Variants in VSIG10 observed in about 807,000 individuals in gnomAD.
VSIG10 encodes the protein V-set and immunoglobulin domain-containing protein 10.
A neutral mutation model predicts 58.7 loss-of-function variants in VSIG10; 48 were observed. The ratio of observed to expected loss-of-function variants is 0.82; its 90% confidence interval spans 0.65 to 1.04. The LOEUF (loss-of-function observed/expected upper bound fraction) is 1.04, where lower values mean the gene tolerates loss of function less well. Ranked by LOEUF, VSIG10 falls within the 50% of genes least tolerant of loss-of-function variation. VSIG10 has a pLI of 0.00. For synonymous variants in VSIG10, 260 were observed against 267.1 expected (o/e 0.97, Z 0.26); for missense variants, 628 against 670.0 (o/e 0.94, Z 0.69).
At chr12:118,100,209 A>C (rs1265725102) in intron 1 of VSIG10, among the ~76,000 whole-genome samples, 1 of 152,112 alleles carries the variant, frequency 6.6e-6, no homozygotes, top group African/African-American at 2.4e-5. Flanking sequence ...ATCTCTACTA[A>C]AAATTAGCTG....
chr12:118,070,295 C>A (rs2032433459), intron 7 of VSIG10, among the ~76,000 whole-genome samples: 1 of 152,084 alleles, frequency 6.6e-6, no homozygotes, highest in African/African-American at 2.4e-5. Flanking sequence ...TGCCTGTAAT[C>A]CCGGCACTTT....
At chr12:118,073,007 G>A (rs73217984) in intron 5 of VSIG10, among the ~76,000 whole-genome samples, 14,315 of 151,988 alleles carry the variant, frequency 0.094, 864 homozygotes, top group Admixed American at 0.13. Flanking sequence ...GTGGATTCTC[G>A]CTCTGTCACC....
chr12:118,094,737 A>ATT (rs770952050), intron 2 of VSIG10, among the ~76,000 whole-genome samples: 3 of 132,892 alleles, frequency 2.3e-5, no homozygotes, highest in Non-Finnish European at 1.6e-5. Context: ...AGAAGCAATA[A>ATT]TTTTTTTTTT....
rs543118542 is a variant in VSIG10 at position 118,092,091 on chromosome 12, C to G, written c.361+3442G>C. Among the ~76,000 whole-genome samples the G allele has an allele frequency of 6.6e-5, 10 of 151,966 alleles. No individual in the cohort carries two copies. In the South Asian group the frequency reaches 2.1e-3, roughly 32 times the overall value. ...ATTTTTATTTTGAGGCAGGATCTCA[C>G]TCTGTAGCCCAGGGTGGAGTACAGT... On this transcript the variant is annotated intron_variant, in intron 2 of 8. Transcript: ENST00000359236.
Position 118,082,159 on chromosome 12 carries a change from T to C in VSIG10, c.632A>G (p.His211Arg), listed in dbSNP as rs2032977663. ...CAGGAGCTCGGTGGTCACCTTTCGA[T>C]GTCTCTTGCTGAGCTGATTCAAGGC... Reference protein sequence around the residue: ...CLALNQLSKRHRKVTTELLVY... With the variant: ...CLALNQLSKRRRKVTTELLVY... The change falls in exon 3 of 9, where the codon CAT becomes CGT. Residue 211 changes from histidine to arginine, a missense_variant. By Grantham distance (29) the His-to-Arg change is conservative (BLOSUM62 0). Coordinates refer to ENST00000359236, the MANE Select transcript of VSIG10 (RefSeq NM_019086.6). The C allele has an allele frequency of 6.2e-7, 1 of 1,613,942 alleles. No homozygotes were observed. The highest frequency in any genetic ancestry group is 1.3e-5 in the African/African-American group (1 of 75,044).
chr12:118,099,325 G>A (rs915283527), intron 1 of VSIG10, among the ~76,000 whole-genome samples: 1 of 151,296 alleles, frequency 6.6e-6, no homozygotes, highest in Non-Finnish European at 1.5e-5. Flanking sequence ...GGGTTGGGGT[G>A]GGGGGTCTCA....
In VSIG10 at chr12:118,068,263, G is replaced by C. The variant is rs1376819937; in HGVS notation, c.1567+114C>G. 3 of 870,234 alleles carry C rather than the reference G, an allele frequency of 3.4e-6. No homozygotes were observed. The African/African-American group carries it at 5.5e-5, about 16-fold the overall frequency. 53.9% of individuals were successfully genotyped at this position (870,234 alleles called of 1,614,324 possible). A position where few individuals can be genotyped will look rare whatever the true frequency, so the allele number is the denominator to read the frequency against. ...TTGCCCAGGCTAGTCTTGAACTTCT[G>C]GGCTTAAGTGATCTTCCCACCTTGG... On this transcript the variant is annotated intron_variant, in intron 8 of 8. Transcript: ENST00000359236.
In VSIG10 at chr12:118,068,490, C is replaced by T. The variant is rs200864066; in HGVS notation, c.1454G>A (p.Arg485His). 1.2e-5 allele frequency: 20 copies of T among 1,613,556 alleles called. No individual in the cohort carries two copies. Among genetic ancestry groups the T allele is most frequent in the Middle Eastern group, 3.3e-4 (2 of 6,060 alleles). Reference protein sequence around the residue: ...DAAVGEQEGAREREELPKEIP... With the variant: ...DAAVGEQEGAHEREELPKEIP... ...TTCTTTTGGCAACTCCTCTCTCTCA[C>T]GTGCTCCCTCCTGTTCCCCTACTGC... Residue 485 changes from arginine to histidine, a missense_variant, in exon 8 of 9, where the codon CGT becomes CAT. Coordinates refer to ENST00000359236, the MANE Select transcript of VSIG10 (RefSeq NM_019086.6).
intron 4 of VSIG10, 36 bp from the exon 5 acceptor site, chr12:118,074,028 A>G: frequency 6.6e-7 from 1 of 1,515,152 alleles, no homozygotes. Context: ...CAAATGTTTA[A>G]AGAGATTCAA....
rs148952233 is a variant in VSIG10 at position 118,097,738 on chromosome 12, A to G, written c.80-1924T>C. Among the ~76,000 whole-genome samples, 622 of 152,132 alleles carry G rather than the reference A, an allele frequency of 4.1e-3. 6 individuals carry two copies. Among genetic ancestry groups the G allele is most frequent in the African/African-American group, 0.014 (591 of 41,510 alleles). ...GGAGTTCGAGACTAGCCTGGCCAAC[A>G]TGGTGAAACCCCGTCTCTACTAAAA... On this transcript the variant is annotated intron_variant, in intron 1 of 8. Coordinates refer to ENST00000359236, the MANE Select transcript of VSIG10 (RefSeq NM_019086.6).
At chr12:118,081,661 G>T (rs1225348285) in intron 3 of VSIG10, among the ~76,000 whole-genome samples, 1 of 152,212 alleles carries the variant, frequency 6.6e-6, no homozygotes, top group Non-Finnish European at 1.5e-5. Context: ...AGCCCTGGAT[G>T]TGTGTATTGA....
chr12:118,084,628 C>G (rs1349487420), intron 2 of VSIG10, among the ~76,000 whole-genome samples: 7 of 152,204 alleles, frequency 4.6e-5, no homozygotes, highest in African/African-American at 1.7e-4. Context: ...CCTGTAATCC[C>G]AGCGCTTTGG....
intron 2 of VSIG10, among the ~76,000 whole-genome samples, chr12:118,090,930 T>G (rs1264797845): frequency 6.6e-6 from 1 of 151,864 alleles, no homozygotes; most frequent in African/African-American, 2.4e-5. Context: ...TGGTCAAGAG[T>G]TCGAGACACG....
chr12:118,095,764 A>G lies in VSIG10; in HGVS notation c.130T>C (p.Cys44Arg). ...GEVHENVTLH[C>R]GNISGLRGQV... The stretch of plus-strand genomic sequence containing the variant: ...CCCCTCAGTCCCGAGATGTTGCCAC[A>G]GTGCAGAGTAACATTCTCATGAACT... The change falls in exon 2 of 9, where the codon TGT becomes CGT. Residue 44 changes from cysteine (C) to arginine (R), a missense_variant. By Grantham distance (180) the Cys-to-Arg change is radical. Coordinates refer to ENST00000359236, the MANE Select transcript of VSIG10 (RefSeq NM_019086.6). The G allele has an allele frequency of 1.2e-6, 2 of 1,613,188 alleles. No homozygotes were observed. The highest frequency in any genetic ancestry group is 8.5e-7 in the Non-Finnish European group (1 of 1,179,590).
At chr12:118,085,847 C>G (rs1453784625) in intron 2 of VSIG10, among the ~76,000 whole-genome samples, 1 of 122,962 alleles carries the variant, frequency 8.1e-6, no homozygotes, top group Non-Finnish European at 1.7e-5. Context: ...AGCGAGACTT[C>G]GTCTCAAAAA....
At chr12:118,081,943 T>C (rs1346743729) in intron 3 of VSIG10, among the ~76,000 whole-genome samples, 184 bp downstream of exon 3, 1 of 147,146 alleles carries the variant, frequency 6.8e-6, no homozygotes, top group Non-Finnish European at 1.5e-5. Context: ...CTTGAACCCA[T>C]GAGGTGGAGA....
chr12:118,095,906 A>C, intron 1 of VSIG10, 92 bp from the exon 2 acceptor site: 1 of 1,402,472 alleles, frequency 7.1e-7, no homozygotes, highest in Non-Finnish European at 9.4e-7. Context: ...GATTTTTTTA[A>C]AAATCAGGTA....
chr12:118,081,755 G>T (rs1234108085), intron 3 of VSIG10, among the ~76,000 whole-genome samples: 1 of 152,090 alleles, frequency 6.6e-6, no homozygotes, highest in Non-Finnish European at 1.5e-5. Flanking sequence ...AGTGGCTCAC[G>T]CCTGTAATCC....
chr12:118,071,352 T>C lies in VSIG10; in HGVS notation c.1330+7A>G, dbSNP rs7296643. The stretch of plus-strand genomic sequence containing the variant: ...AAGAGAAGCTAAAGGACCCAGGGAG[T>C]CCTTACCTTTCCAGCAGAACACAGG... On this transcript the variant is annotated splice_region_variant and intron_variant, in intron 6 of 8. Coordinates refer to ENST00000359236, the MANE Select transcript of VSIG10 (RefSeq NM_019086.6). 0.48 allele frequency: 773,267 copies of C among 1,609,714 alleles called. 196,283 individuals are homozygous for C. The highest frequency in any genetic ancestry group is 0.91 in the East Asian group (40,925 of 44,784).
Sources: allele counts gnomAD v4.1 joint callset (sites outside exome capture counted in the v4.1 genomes callset), GRCh38; gene constraint gnomAD v4.1.1; transcripts MANE v1.5; gene names NCBI Gene and HGNC (gene_info 2026-07-23, HGNC 2026-07-21).